The following BLACAT1 variants were observed in gnomAD, a reference collection of about 807,000 sequenced individuals.
BLACAT1 encodes the protein BLACAT1 overlapping LEMD1 locus, also known as bladder cancer associated transcript 1.
exon 2 of BLACAT1, chr1:205,440,885 G>A (rs1341064708): frequency 2.6e-5 from 4 of 152,378 alleles, no homozygotes; most frequent in African/African-American, 9.6e-5. Flanking sequence ...CATCAGGCCT[G>A]GGACCTGCTG....
At chr1:205,440,285 T>G (rs1419501540) in exon 2 of BLACAT1, among the ~76,000 whole-genome samples, 2 of 152,060 alleles carry the variant, frequency 1.3e-5, no homozygotes, top group Admixed American at 1.3e-4. Flanking sequence ...AAACACTGCT[T>G]TCTGGAGAGC....
exon 2 of BLACAT1, chr1:205,440,565 G>A (rs1272630678): frequency 6.6e-6 from 1 of 152,278 alleles, no homozygotes; most frequent in Non-Finnish European, 1.5e-5. Flanking sequence ...CATGCCTCAT[G>A]CGGTTACCCT....
chr1:205,439,835 A>G (rs1171069419), downstream of BLACAT1, among the ~76,000 whole-genome samples: 2 of 152,094 alleles, frequency 1.3e-5, no homozygotes, highest in African/African-American at 4.8e-5. Context: ...GCTAAGTTAT[A>G]CCAAAATGAA....
chr1:205,440,193 G>T (rs1267999619), exon 2 of BLACAT1, among the ~76,000 whole-genome samples: 1 of 152,164 alleles, frequency 6.6e-6, no homozygotes, highest in Non-Finnish European at 1.5e-5. Flanking sequence ...AGGGCCTGGG[G>T]AACAGGCCTC....
chr1:205,448,572 T>G lies in BLACAT1; in HGVS notation c.-37+7345A>C, dbSNP rs974636854. Among the ~76,000 whole-genome samples, 2 of 151,582 alleles carry G rather than the reference T, an allele frequency of 1.3e-5. No homozygotes were observed. The highest frequency in any genetic ancestry group is 2.9e-5 in the Non-Finnish European group (2 of 67,908). On this transcript the variant is annotated intron_variant, in intron 1 of 1. Transcript: ENST00000629624. This position sits in a 1 kb window ranked among gnomAD's most constrained non-coding sequence, Gnocchi z 4.7. ...TCTTCCACCACCTGCACTAAAGCCA[T>G]CCCAGTAATGAGTTTCCAGTTCTTG...
intron 1 of BLACAT1, among the ~76,000 whole-genome samples, chr1:205,454,504 T>C (rs1666538508): frequency 6.6e-6 from 1 of 151,506 alleles, no homozygotes; most frequent in Non-Finnish European, 1.5e-5. Flanking sequence ...CAATACTACT[T>C]GGAGGAAGTG....
At chr1:205,435,110 T>G (rs553016577), downstream of BLACAT1, 1 of 152,154 alleles carries the variant, frequency 6.6e-6, no homozygotes, top group Non-Finnish European at 1.5e-5. Flanking sequence ...AGTGCAGGAG[T>G]TTAGCATGAT....
chr1:205,445,093 G>A (rs1267063236), intron 1 of BLACAT1, among the ~76,000 whole-genome samples: 3 of 152,162 alleles, frequency 2.0e-5, no homozygotes, highest in Admixed American at 6.5e-5. Context: ...TTAGGAGACC[G>A]GATTTGGGGG....
At chr1:205,437,547 C>G (rs1292084481), downstream of BLACAT1, 4 of 152,288 alleles carry the variant, frequency 2.6e-5, no homozygotes, top group Admixed American at 6.5e-5. Context: ...CCCTCTCACT[C>G]CCCCTCTCAC....
intron 1 of BLACAT1, among the ~76,000 whole-genome samples, chr1:205,445,994 ACT>A (rs775878190): frequency 4.6e-5 from 7 of 152,006 alleles, no homozygotes; most frequent in Admixed American, 1.3e-4. Flanking sequence ...ACATGGGCCC[ACT>A]CTCGCAAGGG....
chr1:205,448,259 G>A lies in BLACAT1; in HGVS notation c.-36-7197C>T, dbSNP rs1202779258. The A allele has an allele frequency of 3.9e-6, 2 of 506,474 alleles. No individual in the cohort carries two copies. The highest frequency in any genetic ancestry group is 2.0e-5 in the Admixed American group (1 of 49,002). The allele number at this position is 506,474 out of a possible 1,614,324, so 31.4% of individuals were successfully genotyped here. On this transcript the variant is annotated intron_variant, in intron 1 of 1. Transcript: ENST00000629624. This position sits in a 1 kb window ranked among gnomAD's most constrained non-coding sequence, Gnocchi z 4.7. Reference sequence around the variant, plus strand: ...TCCTTCTGGTGCCCCTTGGTGGCTGGCTCCGAACCTGGTCCCATGGGAGGT... The same window carrying A: ...TCCTTCTGGTGCCCCTTGGTGGCTGACTCCGAACCTGGTCCCATGGGAGGT...
rs1328196809 is a variant in BLACAT1, at chr1:205,450,133, G to T, written c.-37+5784C>A. ...GTGGGGGTGGGGGCGGGCTGGGCAG[G>T]CGGGGCAGCCAGGTATTCCTTCAAC... On this transcript the variant is annotated intron_variant, in intron 1 of 1. Coordinates refer to ENST00000629624, the Ensembl canonical transcript of BLACAT1. The surrounding 1 kb of genome is among the most constrained non-coding windows in gnomAD (Gnocchi z 4.4). Among the ~76,000 whole-genome samples the T allele has an allele frequency of 6.6e-6, 1 of 152,098 alleles. No individual in the cohort carries two copies. Among genetic ancestry groups the T allele is most frequent in the African/African-American group, 2.4e-5 (1 of 41,418 alleles).
chr1:205,451,387 T>C (rs1217484058), intron 1 of BLACAT1, among the ~76,000 whole-genome samples: 1 of 152,130 alleles, frequency 6.6e-6, no homozygotes, highest in Admixed American at 6.5e-5. Context: ...TTTGGGAAAC[T>C]TCTGCCCCAA....
At chr1:205,439,643 T>C (rs1365986732), downstream of BLACAT1, among the ~76,000 whole-genome samples, 3 of 152,182 alleles carry the variant, frequency 2.0e-5, no homozygotes, top group African/African-American at 7.2e-5. Context: ...GTCACCTGTT[T>C]ACCTGTCAGA....
intron 1 of BLACAT1, among the ~76,000 whole-genome samples, chr1:205,455,490 C>T (rs555578082): frequency 7.9e-5 from 12 of 152,268 alleles, no homozygotes; most frequent in Admixed American, 3.9e-4. Context: ...GATCCCTAAC[C>T]CCTTTACAGC....
exon 2 of BLACAT1, chr1:205,440,533 G>C (rs560921690): frequency 1.3e-5 from 2 of 152,452 alleles, no homozygotes; most frequent in Admixed American, 1.3e-4. Context: ...TTTAGCAACA[G>C]CTCTCCTAGC....
Position 205,448,392 on chromosome 1 carries a change from CAG to C in BLACAT1, c.-36-7332_-36-7331del. 1.9e-6 allele frequency: 1 copy of C among 534,490 alleles called. No individual in the cohort carries two copies. The highest frequency in any genetic ancestry group is 3.8e-6 in the Non-Finnish European group (1 of 260,016). The allele number at this position is 534,490 out of a possible 1,614,324, so 33.1% of individuals were successfully genotyped here. A position where few individuals can be genotyped will look rare whatever the true frequency, so the allele number is the denominator to read the frequency against. On this transcript the variant is annotated intron_variant, in intron 1 of 1. Transcript: ENST00000629624. This position sits in a 1 kb window ranked among gnomAD's most constrained non-coding sequence, Gnocchi z 4.7. ...AGGAATGAAAAGCCATAGGCCACAGCAGAGTGGAGGGGTCCAGCGGCAGGAAT... is the reference window on the plus strand; with the variant it reads ...AGGAATGAAAAGCCATAGGCCACAGCAGTGGAGGGGTCCAGCGGCAGGAAT...
At chr1:205,454,165 T>G (rs980067043) in intron 1 of BLACAT1, among the ~76,000 whole-genome samples, 3 of 152,124 alleles carry the variant, frequency 2.0e-5, no homozygotes, top group African/African-American at 7.2e-5. Context: ...GGCACCGTGC[T>G]AGGCACCAGG....
At chr1:205,454,864 TAAA>T (rs879704935) in intron 1 of BLACAT1, among the ~76,000 whole-genome samples, 1 of 142,950 alleles carries the variant, frequency 7.0e-6, no homozygotes, top group Non-Finnish European at 1.5e-5. Flanking sequence ...TTAAGGTATG[TAAA>T]AAAAAAAAAA....
Sources: allele counts gnomAD v4.1 joint callset (sites outside exome capture counted in the v4.1 genomes callset), GRCh38; gene constraint gnomAD v4.1.1; non-coding constraint Gnocchi (gnomAD v3.1); transcripts MANE v1.5; gene names NCBI Gene and HGNC (gene_info 2026-07-23, HGNC 2026-07-21).